FAM81A: variants seen among roughly 807,000 people sequenced by gnomAD.
FAM81A encodes the protein family with sequence similarity 81 member A, also known as protein FAM81A.
A neutral mutation model predicts 46.7 loss-of-function variants in FAM81A; 19 were observed. That is an observed-to-expected ratio of 0.41 (90% CI 0.28 to 0.60). The LOEUF (loss-of-function observed/expected upper bound fraction) is 0.60, where lower values mean the gene tolerates loss of function less well. Among genes scored for constraint, FAM81A ranks in the 20% least tolerant of loss-of-function variants. The pLI is 0.34. For missense variants in FAM81A, 377 were observed against 453.5 expected, an observed-to-expected ratio of 0.83 and a Z score of 1.53; for synonymous variants, 183 against 152.9, an observed-to-expected ratio of 1.20 and a Z score of -1.45.
chr15:59,503,232 TCA>T (rs1491578335), intron 4 of FAM81A, among the ~76,000 whole-genome samples: 7 of 60,142 alleles, frequency 1.2e-4, no homozygotes, highest in African/African-American at 5.0e-4. Flanking sequence ...TGAGACTGTC[TCA>T]AAAAAAAAAA....
intron 5 of FAM81A, among the ~76,000 whole-genome samples, chr15:59,508,089 C>G (rs1284469673): frequency 1.3e-5 from 2 of 152,020 alleles, no homozygotes; most frequent in Non-Finnish European, 2.9e-5. Flanking sequence ...TATTATAAAA[C>G]TATGAAAAAG....
chr15:59,425,888 G>C (rs1228579350), intron 2 of FAM81A, among the ~76,000 whole-genome samples: 2 of 152,130 alleles, frequency 1.3e-5, no homozygotes, highest in African/African-American at 2.4e-5. Context: ...GCCTCCTATT[G>C]GGTTTACAGG....
chr15:59,434,977 AG>A (rs2081236809), upstream of FAM81A, among the ~76,000 whole-genome samples: 1 of 152,190 alleles, frequency 6.6e-6, no homozygotes, highest in Non-Finnish European at 1.5e-5. Context: ...ACCAGAGCTC[AG>A]CCGTGGAATA....
chr15:59,475,763 T>G (rs1299508614), intron 3 of FAM81A, among the ~76,000 whole-genome samples: 1 of 152,230 alleles, frequency 6.6e-6, no homozygotes, highest in East Asian at 1.9e-4. Flanking sequence ...GTTTAAAAAT[T>G]TAAGACTCCA....
At chr15:59,451,193 C>T (rs1216113648) in intron 1 of FAM81A, among the ~76,000 whole-genome samples, 2 of 152,164 alleles carry the variant, frequency 1.3e-5, no homozygotes, top group Non-Finnish European at 2.9e-5. Flanking sequence ...AGGTGAAATT[C>T]CAATATATTA....
chr15:59,464,335 G>A (rs1956699250), intron 3 of FAM81A, among the ~76,000 whole-genome samples: 1 of 152,176 alleles, frequency 6.6e-6, no homozygotes, highest in African/African-American at 2.4e-5. Context: ...TAAATTCCCA[G>A]TAGTGGGATT....
intron 2 of FAM81A, among the ~76,000 whole-genome samples, chr15:59,430,220 C>A (rs961685560): frequency 2.0e-5 from 3 of 149,238 alleles, no homozygotes; most frequent in Non-Finnish European, 4.4e-5. Flanking sequence ...CACTTCCACC[C>A]TTCCTGTGGC....
chr15:59,433,371 C>A (rs934473495), upstream of FAM81A, among the ~76,000 whole-genome samples: 2 of 151,950 alleles, frequency 1.3e-5, no homozygotes, highest in Admixed American at 6.6e-5. Context: ...TGAGGCTGAA[C>A]TTTCCCTGTT....
intron 6 of FAM81A, among the ~76,000 whole-genome samples, chr15:59,513,004 A>T (rs1409002106): frequency 6.6e-6 from 1 of 152,210 alleles, no homozygotes; most frequent in Non-Finnish European, 1.5e-5. Context: ...GAGAACAGAT[A>T]TTGCAGGACA....
intron 3 of FAM81A, among the ~76,000 whole-genome samples, chr15:59,464,990 A>G (rs2081595101): frequency 1.3e-5 from 2 of 152,038 alleles, no homozygotes; most frequent in Admixed American, 6.6e-5. Flanking sequence ...TTATTTTTGT[A>G]TTGGGTGAGA....
Position 59,462,795 on chromosome 15 carries a change from T to C in FAM81A, c.294+2589T>C, listed in dbSNP as rs561451914. Reference sequence around the variant, plus strand: ...TACTTTTGTGTCTGGCTTTTTTCACTTAGCATAATGTTTTCAAGGTCCATC... The same window carrying C: ...TACTTTTGTGTCTGGCTTTTTTCACCTAGCATAATGTTTTCAAGGTCCATC... On this transcript the variant is annotated intron_variant, in intron 3 of 8. Coordinates refer to ENST00000288228, the MANE Select transcript of FAM81A (RefSeq NM_152450.3). Among the ~76,000 whole-genome samples, 4 of 152,358 alleles carry C rather than the reference T, an allele frequency of 2.6e-5. No individual in the cohort carries two copies. In the South Asian group the frequency reaches 8.3e-4, roughly 32 times the overall value.
At chr15:59,437,868 T>C (rs1304480042), upstream of FAM81A, among the ~76,000 whole-genome samples, 1 of 152,072 alleles carries the variant, frequency 6.6e-6, no homozygotes, top group African/African-American at 2.4e-5. Context: ...TATTTTCCAA[T>C]GAGCGAAATC....
chr15:59,507,199 CT>C lies in FAM81A; in HGVS notation c.414-11del. 6.2e-7 allele frequency: 1 copy of C among 1,605,720 alleles called. No individual in the cohort carries two copies. On this transcript the variant is annotated splice_polypyrimidine_tract_variant and intron_variant, in intron 4 of 8. Transcript: ENST00000288228. ...AACTTTAATAAGAATCAGCTTTGTT[CT>C]TTGTCTGGACAGATGTGATGCCAGC...
chr15:59,480,263 G>A (rs2081832993), intron 3 of FAM81A, among the ~76,000 whole-genome samples: 1 of 152,162 alleles, frequency 6.6e-6, no homozygotes, highest in South Asian at 2.1e-4. Flanking sequence ...TAGGTGATTT[G>A]AAATTATACT....
intron 3 of FAM81A, among the ~76,000 whole-genome samples, chr15:59,472,789 G>GT (rs2081712799): frequency 6.6e-6 from 1 of 152,060 alleles, no homozygotes; most frequent in South Asian, 2.1e-4. Flanking sequence ...CCTTAAGTTA[G>GT]TCAGGTCCAA....
chr15:59,433,356 C>T (rs903110442), upstream of FAM81A, among the ~76,000 whole-genome samples: 1 of 151,872 alleles, frequency 6.6e-6, no homozygotes, highest in African/African-American at 2.4e-5. Flanking sequence ...TATATAAATA[C>T]ACCCTGAGGC....
intron 3 of FAM81A, among the ~76,000 whole-genome samples, chr15:59,469,195 G>A (rs572296518): frequency 6.6e-6 from 1 of 152,296 alleles, no homozygotes; most frequent in East Asian, 1.9e-4. Context: ...TGTTGATTTG[G>A]GGTGGAGAGT....
At chr15:59,461,123 C>A (rs561138546) in intron 3 of FAM81A, among the ~76,000 whole-genome samples, 2 of 152,082 alleles carry the variant, frequency 1.3e-5, no homozygotes, top group African/African-American at 4.8e-5. Context: ...TAGGACACTG[C>A]CATCACCTTC....
At chr15:59,453,189 C>G (rs2081440042) in intron 1 of FAM81A, among the ~76,000 whole-genome samples, 1 of 152,238 alleles carries the variant, frequency 6.6e-6, no homozygotes, top group Admixed American at 6.5e-5. Context: ...AGACACTGTT[C>G]TGGATATTCC....
Sources: allele counts gnomAD v4.1 joint callset (sites outside exome capture counted in the v4.1 genomes callset), GRCh38; gene constraint gnomAD v4.1.1; transcripts MANE v1.5; gene names NCBI Gene and HGNC (gene_info 2026-07-23, HGNC 2026-07-21).